The following KMT5A variants were observed in gnomAD, a reference collection of about 807,000 sequenced individuals.
KMT5A encodes the protein lysine methyltransferase 5A.
Under a neutral mutation model 40.6 loss-of-function variants are expected in KMT5A, and 6 were observed. The ratio of observed to expected loss-of-function variants is 0.15; its 90% CI spans 0.08 to 0.29. The LOEUF (loss-of-function observed/expected upper bound fraction) is 0.29. KMT5A is among the 10% of genes least tolerant of loss of function. The probability of loss-of-function intolerance (pLI) is 1.00; values close to 1 mark genes in which losing one functional copy is unlikely to be tolerated. For synonymous variants in KMT5A, 153 were observed against 178.8 expected, an observed-to-expected ratio of 0.86 and a Z score of 1.15; for missense variants, 308 against 459.1, an observed-to-expected ratio of 0.67 and a Z score of 3.01.
intron 7 of KMT5A, among the ~76,000 whole-genome samples, chr12:123,406,776 C>T (rs944536432): frequency 2.0e-5 from 3 of 152,086 alleles, no homozygotes; most frequent in South Asian, 2.1e-4. Flanking sequence ...CCTGTGATCC[C>T]AGCACTTTGG....
Position 123,393,566 on chromosome 12 carries a change from G to GTC in KMT5A, c.290-1470_290-1469dup, listed in dbSNP as rs199708833. On this transcript the variant is annotated intron_variant, in intron 3 of 7. Coordinates refer to ENST00000402868, the MANE Select transcript of KMT5A (RefSeq NM_020382.7). Reference sequence around the variant, plus strand: ...TCCTTTTTTTTATTTTTGAGAAGGAGTCTCTCTCTCTCACCCAGGCTGGAG... The same window carrying GTC: ...TCCTTTTTTTTATTTTTGAGAAGGAGTCTCTCTCTCTCTCACCCAGGCTGGAG... Among the ~76,000 whole-genome samples, 8 of 152,018 alleles carry GTC rather than the reference G, an allele frequency of 5.3e-5. No individual in the cohort carries two copies. The East Asian group carries it at 1.4e-3, about 26-fold the overall frequency.
intron 7 of KMT5A, among the ~76,000 whole-genome samples, chr12:123,406,891 C>T (rs368676860): frequency 8.5e-5 from 13 of 152,112 alleles, no homozygotes; most frequent in South Asian, 4.2e-4. Flanking sequence ...TGGTGGCACA[C>T]GCTTCTAATC....
Position 123,402,546 on chromosome 12 carries a change from T to A in KMT5A, c.598-1027T>A, listed in dbSNP as rs187534165. ...TCTGGTTTGGTGAAAGTCTATGCCGTCAAGACATGCTGGTTTGGGGTGAGC... is the reference window on the plus strand; with the variant it reads ...TCTGGTTTGGTGAAAGTCTATGCCGACAAGACATGCTGGTTTGGGGTGAGC... On this transcript the variant is annotated intron_variant, in intron 5 of 7. Transcript: ENST00000402868. Among the ~76,000 whole-genome samples the A allele has an allele frequency of 2.0e-3, 308 of 152,176 alleles. 6 individuals carry two copies. The South Asian group carries it at 0.028, about 14-fold the overall frequency.
chr12:123,393,462 G>C (rs1877458889), intron 3 of KMT5A, among the ~76,000 whole-genome samples: 2 of 152,098 alleles, frequency 1.3e-5, no homozygotes, highest in Admixed American at 1.3e-4. Flanking sequence ...AAAATACATA[G>C]CCTTTTGTGT....
chr12:123,397,031 A>G (rs1314846234), intron 5 of KMT5A, among the ~76,000 whole-genome samples: 1 of 152,260 alleles, frequency 6.6e-6, no homozygotes. Context: ...AGTAAGTGCC[A>G]GCTAACTGTT....
chr12:123,397,231 GTGTGGTTAT>G lies in KMT5A; in HGVS notation c.597+802_597+810del, dbSNP rs1297090258. ...GGCAGTCAATATTTGCTGCAGTGAGGTGTGGTTATTGCCTTTCTGTGAAGGAAACGCAGG... is the reference window on the plus strand; with the variant it reads ...GGCAGTCAATATTTGCTGCAGTGAGGTGCCTTTCTGTGAAGGAAACGCAGG... On this transcript the variant is annotated intron_variant, in intron 5 of 7. Transcript: ENST00000402868. Among the ~76,000 whole-genome samples the G allele has an allele frequency of 6.6e-5, 10 of 152,380 alleles. No homozygotes were observed. The East Asian group carries it at 1.9e-3, about 29-fold the overall frequency.
chr12:123,407,348 A>T, intron 7 of KMT5A, 145 bp from the exon 8 acceptor site: 1 of 870,198 alleles, frequency 1.1e-6, no homozygotes, highest in Non-Finnish European at 1.8e-6. Context: ...AAAAAGGAAA[A>T]AGAAAATAGC....
intron 5 of KMT5A, among the ~76,000 whole-genome samples, chr12:123,400,180 C>T (rs774759203): frequency 2.6e-5 from 4 of 151,358 alleles, no homozygotes; most frequent in Admixed American, 2.0e-4. Context: ...GGACTACAGG[C>T]GCCTGCCACC....
At chr12:123,402,724 C>T (rs1400466088) in intron 5 of KMT5A, among the ~76,000 whole-genome samples, 1 of 152,126 alleles carries the variant, frequency 6.6e-6, no homozygotes, top group East Asian at 1.9e-4. Context: ...GGGGTGCCCC[C>T]TCCCAGTTCT....
At chr12:123,392,732 T>C (rs1378332796) in intron 3 of KMT5A, among the ~76,000 whole-genome samples, 1 of 152,102 alleles carries the variant, frequency 6.6e-6, no homozygotes, top group Admixed American at 6.6e-5. Context: ...CTGTGGTCCG[T>C]GATTCTGCTG....
At chr12:123,394,904 C>T (rs959715611) in intron 3 of KMT5A, 143 bp from the exon 4 acceptor site, 11 of 713,628 alleles carry the variant, frequency 1.5e-5, no homozygotes, top group Admixed American at 5.6e-5. Flanking sequence ...ATAGCGGACA[C>T]GGGGCTTAAC....
chr12:123,389,281 C>A, intron 1 of KMT5A, 152 bp from the exon 2 acceptor site: 1 of 325,702 alleles, frequency 3.1e-6, no homozygotes, highest in Non-Finnish European at 4.3e-6. Context: ...CCCGGCCCTC[C>A]CGGCTGCGCG....
chr12:123,391,854 C>T (rs1040089946), intron 3 of KMT5A, among the ~76,000 whole-genome samples: 10 of 152,214 alleles, frequency 6.6e-5, no homozygotes, highest in African/African-American at 2.2e-4. Flanking sequence ...CCTCTGGGGC[C>T]GGATCTGAGA....
At chr12:123,396,201 C>A (rs1344554457) in intron 4 of KMT5A, 144 bp from the exon 5 acceptor site, 3 of 703,184 alleles carry the variant, frequency 4.3e-6, no homozygotes, top group Non-Finnish European at 7.1e-6. Flanking sequence ...ACTGAGTGAC[C>A]TGCAGGCTCC....
At chr12:123,394,196 C>G (rs1877522868) in intron 3 of KMT5A, among the ~76,000 whole-genome samples, 4 of 151,176 alleles carry the variant, frequency 2.6e-5, no homozygotes, top group Admixed American at 2.6e-4. Context: ...CTCCGCCTCC[C>G]AGGTTCAAGC....
At position 123,402,279 on chromosome 12, in the gene KMT5A, G is replaced by GCGGGGC. The variant is rs372236515; in HGVS notation, c.598-1285_598-1280dup. On this transcript the variant is annotated intron_variant, in intron 5 of 7. Coordinates refer to ENST00000402868, the MANE Select transcript of KMT5A (RefSeq NM_020382.7). Reference sequence around the variant, plus strand: ...CCTGGTGACTAGCAAGGGGGCCGGAGCGGGGCCGGGGCCGTGGCTGGGCTG... The same window carrying GCGGGGC: ...CCTGGTGACTAGCAAGGGGGCCGGAGCGGGGCCGGGGCCGGGGCCGTGGCTGGGCTG... Among the ~76,000 whole-genome samples the GCGGGGC allele has an allele frequency of 2.2e-4, 34 of 152,362 alleles. No individual in the cohort carries two copies. In the East Asian group the frequency reaches 4.2e-3, roughly 19 times the overall value.
chr12:123,400,467 TCTC>T (rs1446365862), intron 5 of KMT5A, among the ~76,000 whole-genome samples: 1 of 145,492 alleles, frequency 6.9e-6, no homozygotes, highest in Non-Finnish European at 1.5e-5. Context: ...TTCAAGCAAT[TCTC>T]CTGCCTCAAC....
chr12:123,395,281 C>G lies in KMT5A; in HGVS notation c.509+15C>G, dbSNP rs778186368. On this transcript the variant is annotated intron_variant, in intron 4 of 7. Transcript: ENST00000402868. ...CCCCGAAAAAAGTAAGTGCCCCATT[C>G]AGTCCTCTTCCTAACGTGGAGCAGT... 6.2e-7 allele frequency: 1 copy of G among 1,609,178 alleles called. No individual in the cohort carries two copies. The highest frequency in any genetic ancestry group is 1.7e-5 in the Admixed American group (1 of 59,290).
In KMT5A at chr12:123,389,441, A is replaced by T; in HGVS notation, c.19A>T (p.Met7Leu). The change falls in exon 2 of 8, where the codon ATG becomes TTG. Residue 7 changes from methionine to leucine, a missense_variant. Physicochemically the swap from Met to Leu is conservative, Grantham distance 15. Coordinates refer to ENST00000402868, the MANE Select transcript of KMT5A (RefSeq NM_020382.7). Reference protein sequence around the residue: MARGRKMSKPRAVEAAA... With the variant: MARGRKLSKPRAVEAAA... Reference sequence around the variant, plus strand: ...CGGGTCCCCTTCTCCAGGCAGGAAGATGTCCAAGCCCCGCGCGGTGGAGGC... The same window carrying T: ...CGGGTCCCCTTCTCCAGGCAGGAAGTTGTCCAAGCCCCGCGCGGTGGAGGC... The T allele has an allele frequency of 9.3e-7, 1 of 1,074,810 alleles. No individual in the cohort carries two copies. The highest frequency in any genetic ancestry group is 1.1e-6 in the Non-Finnish European group (1 of 892,496). 66.6% of individuals were successfully genotyped at this position (1,074,810 alleles called of 1,614,324 possible).
Sources: allele counts gnomAD v4.1 joint callset (sites outside exome capture counted in the v4.1 genomes callset), GRCh38; gene constraint gnomAD v4.1.1; transcripts MANE v1.5; gene names NCBI Gene and HGNC (gene_info 2026-07-23, HGNC 2026-07-21).